Variants in PTCHD4 observed in about 807,000 individuals in gnomAD.
PTCHD4 encodes patched domain-containing protein 4.
A neutral mutation model predicts 58.1 loss-of-function variants in PTCHD4; 33 were observed. The observed-to-expected ratio is 0.57, with a 90% CI of 0.43 to 0.76. The LOEUF (loss-of-function observed/expected upper bound fraction) is 0.76. Among genes scored for constraint, PTCHD4 ranks in the 30% least tolerant of loss-of-function variants. The probability of loss-of-function intolerance (pLI) is 0.00; values close to 1 mark genes in which losing one functional copy is unlikely to be tolerated. For missense variants in PTCHD4, 1,058 were observed against 1,027.1 expected, an observed-to-expected ratio of 1.03 and a Z score of -0.41; for synonymous variants, 478 against 409.6, an observed-to-expected ratio of 1.17 and a Z score of -2.02.
At chr6:47,925,127 A>G (rs918321625) in intron 4 of PTCHD4, among the ~76,000 whole-genome samples, 3 of 150,326 alleles carry the variant, frequency 2.0e-5, no homozygotes, top group Admixed American at 6.7e-5. Flanking sequence ...CATTTTATAT[A>G]TGTATATGCT....
chr6:48,050,016 C>T (rs1198547074), intron 3 of PTCHD4, among the ~76,000 whole-genome samples: 1 of 151,886 alleles, frequency 6.6e-6, no homozygotes, highest in African/African-American at 2.4e-5. Context: ...TTTTCGATTT[C>T]TAGCCTGTTA....
chr6:47,960,020 T>G (rs1336439622), intron 4 of PTCHD4, among the ~76,000 whole-genome samples: 1 of 152,128 alleles, frequency 6.6e-6, no homozygotes, highest in Non-Finnish European at 1.5e-5. Flanking sequence ...ATATGGTTAA[T>G]GACATATGTA....
At chr6:48,072,742 C>CTTATATT (rs1764997855) in intron 1 of PTCHD4, among the ~76,000 whole-genome samples, 2 of 152,166 alleles carry the variant, frequency 1.3e-5, no homozygotes, top group Non-Finnish European at 2.9e-5. Context: ...ATTAAGCCAA[C>CTTATATT]TATGAGTTTA....
Position 48,007,474 on chromosome 6 carries a change from A to G in PTCHD4, c.898+1160T>C, listed in dbSNP as rs1212326769. ...ATTTGCCAATAAAGCTGTAATTCAGAGCTGATTTTAACCTGGAGGGTGAGA... is the reference window on the plus strand; with the variant it reads ...ATTTGCCAATAAAGCTGTAATTCAGGGCTGATTTTAACCTGGAGGGTGAGA... On this transcript the variant is annotated intron_variant, in intron 4 of 4. Coordinates refer to ENST00000339488, the MANE Select transcript of PTCHD4 (RefSeq NM_001384253.1). Among the ~76,000 whole-genome samples, 3 of 152,210 alleles carry G rather than the reference A, an allele frequency of 2.0e-5. No individual in the cohort carries two copies. The South Asian group carries it at 6.2e-4, about 32-fold the overall frequency.
At position 48,068,582 on chromosome 6, in the gene PTCHD4, C is replaced by T. The variant is rs1313239771; in HGVS notation, c.65G>A (p.Arg22Lys). ...CCTGTGGCAGAACGACTGGAGCCCT[C>T]TGCGAAGCACCTGCCGCAGCATCCT... Reference protein sequence around the residue: ...WWRMLRQVLRRGLQSFCHRLG... With the variant: ...WWRMLRQVLRKGLQSFCHRLG... The change falls in exon 3 of 5, where the codon AGA (arginine) becomes AAA (lysine). Residue 22 changes from arginine to lysine, a missense_variant. By Grantham distance (26) the Arg-to-Lys change is conservative. Transcript: ENST00000339488. This position sits in a 1 kb window ranked among gnomAD's most constrained non-coding sequence, Gnocchi z 4.2. 1.9e-6 allele frequency: 3 copies of T among 1,565,544 alleles called. No homozygotes were observed. Among genetic ancestry groups the T allele is most frequent in the Non-Finnish European group, 1.7e-6 (2 of 1,161,340 alleles).
chr6:47,986,415 T>A (rs930018696), intron 4 of PTCHD4, among the ~76,000 whole-genome samples: 7 of 152,176 alleles, frequency 4.6e-5, no homozygotes, highest in African/African-American at 1.7e-4. Context: ...AACCACAAGA[T>A]CTTGGATAGG....
chr6:47,982,607 G>GCCT (rs1767924825), intron 4 of PTCHD4, among the ~76,000 whole-genome samples: 1 of 151,206 alleles, frequency 6.6e-6, no homozygotes, highest in Non-Finnish European at 1.5e-5. Flanking sequence ...TCCTGCCTCA[G>GCCT]CCTCCCGAGT....
rs1581971869 is a variant in PTCHD4, at chr6:47,983,996, A to G, written c.898+24638T>C. ...AATACAGTATATTTAAATAAACTGT[A>G]TTAGAAATAATATGCTGTAAATGCT... On this transcript the variant is annotated intron_variant, in intron 4 of 4. Transcript: ENST00000339488. 2.6e-5 allele frequency among the ~76,000 whole-genome samples: 4 copies of G among 152,316 alleles called. No individual in the cohort carries two copies. In the South Asian group the frequency reaches 8.3e-4, roughly 32 times the overall value.
intron 4 of PTCHD4, among the ~76,000 whole-genome samples, chr6:47,954,977 C>G (rs1766797481): frequency 6.6e-6 from 1 of 152,160 alleles, no homozygotes; most frequent in East Asian, 1.9e-4. Flanking sequence ...GTTTTGGCCT[C>G]CAACCCTGGC....
intron 3 of PTCHD4, among the ~76,000 whole-genome samples, chr6:48,012,728 A>C (rs749785155): frequency 1.8e-4 from 28 of 152,118 alleles, no homozygotes; most frequent in Non-Finnish European, 3.5e-4. Flanking sequence ...AATAGCTCTT[A>C]TTGTTTTGAG....
chr6:48,107,890 A>G (rs1176197404), intron 1 of PTCHD4, among the ~76,000 whole-genome samples: 2 of 152,202 alleles, frequency 1.3e-5, no homozygotes, highest in African/African-American at 4.8e-5. Context: ...ACAAATCAAA[A>G]CCACAATGCG....
intron 4 of PTCHD4, among the ~76,000 whole-genome samples, chr6:47,943,917 A>G (rs1008909477): frequency 6.6e-6 from 1 of 152,032 alleles, no homozygotes; most frequent in African/African-American, 2.4e-5. Flanking sequence ...TTAGTAGTAA[A>G]TATTTTCTAT....
chr6:48,057,725 G>T (rs778238708), intron 3 of PTCHD4, among the ~76,000 whole-genome samples: 47 of 152,184 alleles, frequency 3.1e-4, no homozygotes, highest in Admixed American at 8.5e-4. Flanking sequence ...TTTGTTTGTT[G>T]CAGCATTTGA....
intron 4 of PTCHD4, among the ~76,000 whole-genome samples, chr6:47,999,493 C>A (rs1343796785): frequency 6.6e-6 from 1 of 152,072 alleles, no homozygotes; most frequent in Non-Finnish European, 1.5e-5. Flanking sequence ...AAAATAAGTC[C>A]TGTGGCAACA....
intron 4 of PTCHD4, among the ~76,000 whole-genome samples, chr6:47,918,316 A>C (rs1041360477): frequency 6.6e-6 from 1 of 152,162 alleles, no homozygotes; most frequent in African/African-American, 2.4e-5. Context: ...CATTTTAAAG[A>C]TCCAACCTGA....
intron 3 of PTCHD4, among the ~76,000 whole-genome samples, chr6:48,037,780 G>C (rs1270809759): frequency 6.6e-6 from 1 of 151,868 alleles, no homozygotes; most frequent in East Asian, 1.9e-4. Context: ...TCTCCAATGA[G>C]CTTAACTTTT....
intron 3 of PTCHD4, among the ~76,000 whole-genome samples, chr6:48,042,311 T>C (rs1763875779): frequency 6.6e-6 from 1 of 152,012 alleles, no homozygotes; most frequent in African/African-American, 2.4e-5. Flanking sequence ...GCAAACACCA[T>C]AAGCAGTCAA....
chr6:48,015,819 G>A (rs753309871), intron 3 of PTCHD4, among the ~76,000 whole-genome samples: 1 of 151,760 alleles, frequency 6.6e-6, no homozygotes, highest in Non-Finnish European at 1.5e-5. Context: ...TAATTTCCTT[G>A]TGCCTAGAAA....
At chr6:47,964,180 A>T (rs981875940) in intron 4 of PTCHD4, among the ~76,000 whole-genome samples, 17 of 152,214 alleles carry the variant, frequency 1.1e-4, no homozygotes, top group African/African-American at 3.6e-4. Flanking sequence ...GTTGCTGTTC[A>T]ATGGGTATGA....
Sources: gnomAD v4.1 joint callset for allele counts (sites outside exome capture counted in the v4.1 genomes callset) on GRCh38, gnomAD v4.1.1 for gene constraint, Gnocchi (gnomAD v3.1) non-coding constraint, MANE v1.5 for transcripts, NCBI Gene and HGNC (gene_info 2026-07-23, HGNC 2026-07-21) for gene names.